Variants in LRRC4C observed in about 807,000 individuals in gnomAD.
LRRC4C encodes leucine-rich repeat-containing protein 4C.
Under a neutral mutation model 33.6 loss-of-function variants are expected in LRRC4C, and 5 were observed. That is an observed-to-expected ratio of 0.15 (90% CI 0.08 to 0.31). LRRC4C has a LOEUF of 0.31. Among genes scored for constraint, LRRC4C ranks in the 10% least tolerant of loss-of-function variants. The pLI, the probability that LRRC4C is intolerant of heterozygous loss-of-function variation, is 1.00. For synonymous variants in LRRC4C, 329 were observed against 302.0 expected (o/e 1.09, Z -0.93); for missense variants, 560 against 796.7 (o/e 0.70, Z 3.58).
intron 3 of LRRC4C, chr11:40,446,059 T>G (rs1951619853): frequency 6.6e-6 from 1 of 152,196 alleles, no homozygotes. Flanking sequence ...TCCTGAAAAG[T>G]TTTGCTACTT....
Position 40,417,611 on chromosome 11 carries a change from C to G in LRRC4C, c.-269-97890G>C, listed in dbSNP as rs1950375779. ...AAGTGATCTACCTACCTCGGCCTCCCAAAGTGCTGGGATTACAAGCATGAG... is the reference window on the plus strand; with the variant it reads ...AAGTGATCTACCTACCTCGGCCTCCGAAAGTGCTGGGATTACAAGCATGAG... On this transcript the variant is annotated intron_variant, in intron 3 of 6. Transcript: ENST00000528697. Among the ~76,000 whole-genome samples the G allele has an allele frequency of 1.3e-5, 2 of 152,102 alleles. 1 individual carries two copies. The highest frequency in any genetic ancestry group is 4.1e-4 in the South Asian group (2 of 4,828).
intron 2 of LRRC4C, among the ~76,000 whole-genome samples, chr11:40,785,915 C>A (rs922289411): frequency 6.6e-6 from 1 of 151,010 alleles, no homozygotes; most frequent in African/African-American, 2.4e-5. Context: ...GAAAAAAAAA[C>A]GGAAGTTGAG....
intron 2 of LRRC4C, among the ~76,000 whole-genome samples, chr11:40,924,148 G>A (rs1957316680): frequency 6.7e-6 from 1 of 149,492 alleles, no homozygotes. Flanking sequence ...GTATATATAT[G>A]ATATTAGGTT....
At chr11:41,189,105 C>G (rs1462990863) in intron 1 of LRRC4C, among the ~76,000 whole-genome samples, 1 of 151,982 alleles carries the variant, frequency 6.6e-6, no homozygotes, top group Non-Finnish European at 1.5e-5. Context: ...TTATAGGGCA[C>G]CTTTATGTAC....
At chr11:40,389,497 A>C (rs779261071) in intron 3 of LRRC4C, among the ~76,000 whole-genome samples, 5 of 151,924 alleles carry the variant, frequency 3.3e-5, no homozygotes, top group Admixed American at 6.6e-5. Context: ...AAAAACCATT[A>C]TTTTTTCACT....
chr11:40,533,103 A>T (rs1424521688), intron 3 of LRRC4C, among the ~76,000 whole-genome samples: 1 of 152,144 alleles, frequency 6.6e-6, no homozygotes, highest in African/African-American at 2.4e-5. Context: ...ACAATTCAAG[A>T]TGAGATTTTG....
At chr11:40,542,637 T>TTC (rs142452024) in intron 3 of LRRC4C, among the ~76,000 whole-genome samples, 2 of 151,176 alleles carry the variant, frequency 1.3e-5, no homozygotes, top group South Asian at 2.1e-4. Context: ...GGGAAGTTCT[T>TTC]TCTCTCTCTC....
At chr11:41,270,174 C>G (rs1949276229) in intron 1 of LRRC4C, among the ~76,000 whole-genome samples, 1 of 152,092 alleles carries the variant, frequency 6.6e-6, no homozygotes, top group Non-Finnish European at 1.5e-5. Context: ...ATTATCACAC[C>G]TGGGAAATAT....
At chr11:40,783,830 G>A (rs1950309197) in intron 2 of LRRC4C, among the ~76,000 whole-genome samples, 1 of 152,098 alleles carries the variant, frequency 6.6e-6, no homozygotes, top group Non-Finnish European at 1.5e-5. Context: ...AGGATTTCAT[G>A]TGCCTTGTAA....
chr11:40,231,121 A>G (rs902781791), intron 5 of LRRC4C, among the ~76,000 whole-genome samples: 4 of 152,128 alleles, frequency 2.6e-5, no homozygotes, highest in African/African-American at 9.7e-5. Flanking sequence ...AGTCCCAGCA[A>G]CTCTGGAGGC....
intron 1 of LRRC4C, among the ~76,000 whole-genome samples, chr11:41,418,040 C>T (rs1954750894): frequency 6.6e-6 from 1 of 151,624 alleles, no homozygotes; most frequent in Admixed American, 6.6e-5. Context: ...TGGATCATAG[C>T]TCTTAAACTC....
chr11:40,888,682 G>A lies in LRRC4C; in HGVS notation c.-407+44953C>T, dbSNP rs372288065. Among the ~76,000 whole-genome samples the A allele has an allele frequency of 3.0e-4, 46 of 152,036 alleles. No individual in the cohort carries two copies. The East Asian group carries it at 7.5e-3, about 25-fold the overall frequency. On this transcript the variant is annotated intron_variant, in intron 2 of 6. Transcript: ENST00000528697. ...TAGCTAATTTATTCACTGAAATATG[G>A]AAATTTCTCTTGATTAACCAAATTT...
chr11:40,868,505 T>C (rs1954479322), intron 2 of LRRC4C, among the ~76,000 whole-genome samples: 1 of 152,078 alleles, frequency 6.6e-6, no homozygotes, highest in South Asian at 2.1e-4. Flanking sequence ...AAATTTTCAT[T>C]CTAAACTTTG....
intron 2 of LRRC4C, among the ~76,000 whole-genome samples, chr11:40,762,022 G>T (rs752476275): frequency 6.6e-6 from 1 of 152,128 alleles, no homozygotes; most frequent in African/African-American, 2.4e-5. Flanking sequence ...TTAAATTAAT[G>T]GTGGTGGATC....
At chr11:40,149,449 T>C (rs1166009139) in intron 5 of LRRC4C, among the ~76,000 whole-genome samples, 2 of 152,092 alleles carry the variant, frequency 1.3e-5, no homozygotes, top group Non-Finnish European at 2.9e-5. Context: ...TTGTGGTAAT[T>C]GTGAATGGGA....
intron 1 of LRRC4C, among the ~76,000 whole-genome samples, chr11:41,278,674 G>T (rs145403477): frequency 5.3e-4 from 80 of 152,312 alleles, no homozygotes; most frequent in African/African-American, 1.9e-3. Flanking sequence ...ATTCCTGGGT[G>T]ATGCTGCTGC....
intron 1 of LRRC4C, among the ~76,000 whole-genome samples, chr11:41,174,118 GA>G (rs34454833): frequency 5.3e-5 from 8 of 150,058 alleles, no homozygotes; most frequent in Middle Eastern, 3.4e-3. Context: ...CTAGGCACAG[GA>G]AAAAAAAATA....
intron 1 of LRRC4C, among the ~76,000 whole-genome samples, chr11:41,448,004 C>T (rs145432334): frequency 1.1e-3 from 163 of 151,968 alleles, no homozygotes; most frequent in Non-Finnish European, 2.0e-3. Context: ...CTTTATGTTG[C>T]CCCTTCACTA....
At chr11:40,232,478 C>T (rs1481527637) in intron 5 of LRRC4C, among the ~76,000 whole-genome samples, 1 of 152,154 alleles carries the variant, frequency 6.6e-6, no homozygotes, top group African/African-American at 2.4e-5. Flanking sequence ...CAACTCGGAC[C>T]ATAGTCACTT....
Sources: gnomAD v4.1 joint callset for allele counts (sites outside exome capture counted in the v4.1 genomes callset) on GRCh38, gnomAD v4.1.1 for gene constraint, MANE v1.5 for transcripts, NCBI Gene and HGNC (gene_info 2026-07-23, HGNC 2026-07-21) for gene names.